Variants in MBNL3 observed in about 807,000 individuals in gnomAD.
MBNL3 encodes the protein muscleblind like splicing regulator 3.
MBNL3 carries 6 observed loss-of-function variants against 24.5 expected under a neutral mutation model. That is an observed-to-expected ratio of 0.25 (90% confidence interval 0.13 to 0.48). The LOEUF (loss-of-function observed/expected upper bound fraction) is 0.48, where lower values mean the gene tolerates loss of function less well. MBNL3 is among the 20% of genes least tolerant of loss of function. The pLI is 0.99. For missense variants in MBNL3, 230 were observed against 293.5 expected, an observed-to-expected ratio of 0.78 and a Z score of 1.58; for synonymous variants, 100 against 101.7, an observed-to-expected ratio of 0.98 and a Z score of 0.10.
intron 1 of MBNL3, among the ~76,000 whole-genome samples, chrX:132,475,391 T>C (rs1366995929): frequency 1.8e-5 from 2 of 112,086 alleles, no homozygotes; most frequent in Admixed American, 1.9e-4. Context: ...ATTAGATGGT[T>C]CCCAAATGAT....
intron 1 of MBNL3, among the ~76,000 whole-genome samples, chrX:132,476,270 G>C (rs1056074410): frequency 9.0e-6 from 1 of 110,827 alleles, no homozygotes; most frequent in Non-Finnish European, 1.9e-5. Context: ...GTACATAGAA[G>C]GTGTATATAT....
At chrX:132,414,485 C>T (rs1443793553) in intron 2 of MBNL3, among the ~76,000 whole-genome samples, 3 of 111,797 alleles carry the variant, frequency 2.7e-5, no homozygotes, top group African/African-American at 9.8e-5. Context: ...AAGAGAGGAA[C>T]CTCAAAAGCT....
At position 132,379,675 on chromosome X, in the gene MBNL3, C is replaced by T; in HGVS notation, c.1056G>A (p.Leu352=). 8.5e-7 allele frequency: 1 copy of T among 1,181,032 alleles called. No homozygotes were observed. Among genetic ancestry groups the T allele is most frequent in the African/African-American group, 1.8e-5 (1 of 56,391 alleles). The part of the protein sequence containing the change: ...PFAAPTTGNQ[L]KF ...TCCATAACTCTGCTGTTCAGAATTT[C>T]AGCTGAAATGGAAAAAAAAAGAAAG... The change falls in exon 9 of 9, where the codon CTG becomes CTA. Residue 352 remains leucine, a splice_region_variant and synonymous_variant. Coordinates refer to ENST00000370853, the MANE Select transcript of MBNL3 (RefSeq NM_001386889.1).
chrX:132,421,750 C>G (rs1048826560), intron 2 of MBNL3, among the ~76,000 whole-genome samples: 5 of 111,137 alleles, frequency 4.5e-5, no homozygotes, highest in Non-Finnish European at 9.4e-5. Flanking sequence ...TATAAAAAAG[C>G]ATGGAGCATC....
intron 5 of MBNL3, among the ~76,000 whole-genome samples, chrX:132,389,268 G>A (rs1293799375): frequency 8.9e-6 from 1 of 112,168 alleles, no homozygotes; most frequent in South Asian, 3.7e-4. Flanking sequence ...CCTTCACGAT[G>A]TAATGAGTTC....
At chrX:132,422,890 T>C (rs1375097743) in intron 2 of MBNL3, among the ~76,000 whole-genome samples, 3 of 112,101 alleles carry the variant, frequency 2.7e-5, no homozygotes, top group African/African-American at 9.7e-5. Context: ...GGTGAGGTGA[T>C]AATTTACATT....
intron 2 of MBNL3, among the ~76,000 whole-genome samples, chrX:132,433,494 G>A (rs1430635125): frequency 8.9e-6 from 1 of 112,193 alleles, no homozygotes; most frequent in African/African-American, 3.2e-5. Context: ...GTATGAACTG[G>A]AGTTGAGGTA....
At chrX:132,481,840 G>C (rs1947756584) in intron 1 of MBNL3, among the ~76,000 whole-genome samples, 1 of 111,379 alleles carries the variant, frequency 9.0e-6, no homozygotes, top group Non-Finnish European at 1.9e-5. Flanking sequence ...CTGAATCTCA[G>C]CGCATCTATA....
intron 1 of MBNL3, among the ~76,000 whole-genome samples, chrX:132,442,168 A>C (rs1945421544): frequency 9.0e-6 from 1 of 111,695 alleles, no homozygotes; most frequent in Non-Finnish European, 1.9e-5. Flanking sequence ...TTTTGGAATT[A>C]GATAGTGGTG....
intron 1 of MBNL3, among the ~76,000 whole-genome samples, chrX:132,473,274 G>A (rs1393628766): frequency 1.6e-4 from 18 of 111,704 alleles, no homozygotes; most frequent in Non-Finnish European, 1.9e-5. Flanking sequence ...CATTTGATTT[G>A]CTTCTCTATA....
At chrX:132,458,772 C>T (rs973824860) in intron 1 of MBNL3, among the ~76,000 whole-genome samples, 1 of 109,580 alleles carries the variant, frequency 9.1e-6, no homozygotes, top group Non-Finnish European at 1.9e-5. Context: ...ACATCCAAAC[C>T]ACAGCAGAAC....
At chrX:132,421,184 T>G (rs1943783450) in intron 2 of MBNL3, among the ~76,000 whole-genome samples, 1 of 112,199 alleles carries the variant, frequency 8.9e-6, no homozygotes, top group Admixed American at 9.4e-5. Flanking sequence ...TTTAGTCTGT[T>G]TTGCAAGTAA....
At chrX:132,388,971 G>A (rs1169552609) in intron 5 of MBNL3, among the ~76,000 whole-genome samples, 1 of 111,266 alleles carries the variant, frequency 9.0e-6, no homozygotes, top group Non-Finnish European at 1.9e-5. Flanking sequence ...ACTTAAAAGG[G>A]AATTTTATAT....
chrX:132,463,257 T>C (rs1394115282), intron 1 of MBNL3, among the ~76,000 whole-genome samples: 15 of 110,586 alleles, frequency 1.4e-4, no homozygotes, highest in Non-Finnish European at 5.7e-5. Context: ...AGGTCAGGAG[T>C]TCAAGACCAG....
chrX:132,400,719 G>A (rs1031805605), intron 3 of MBNL3, among the ~76,000 whole-genome samples: 10 of 111,579 alleles, frequency 9.0e-5, no homozygotes, highest in African/African-American at 3.3e-4. Flanking sequence ...ACAGATTACA[G>A]TAGGCTTCAG....
rs981729135 is a variant in MBNL3 at position 132,374,534 on chromosome X, C to T, written c.*5132G>A. ...TTAGTTAAGTCTTAGAGCAAAAACA[C>T]CCTCCTTTTCAAAGCCTTAGAAATA... is the stretch of plus-strand genomic sequence containing the variant. On this transcript the variant is annotated 3_prime_UTR_variant, in exon 9 of 9. Coordinates refer to ENST00000370853, the MANE Select transcript of MBNL3 (RefSeq NM_001386889.1). The T allele has an allele frequency of 9.0e-6, 1 of 111,152 alleles. No homozygotes were observed. Among genetic ancestry groups the T allele is most frequent in the African/African-American group, 3.3e-5 (1 of 30,569 alleles). 9.2% of individuals were successfully genotyped at this position (111,152 alleles called of 1,213,427 possible).
chrX:132,444,840 GA>G (rs201337734), intron 1 of MBNL3, among the ~76,000 whole-genome samples: 1,585 of 111,666 alleles, frequency 0.014, 20 homozygotes, highest in African/African-American at 0.049. Context: ...CATTCTCATG[GA>G]AGTTATCTTG....
intron 3 of MBNL3, among the ~76,000 whole-genome samples, chrX:132,396,886 TCA>T (rs1939636901): frequency 1.6e-5 from 1 of 62,804 alleles, no homozygotes. Context: ...ACATATATAT[TCA>T]TATATATATT....
chrX:132,401,562 G>A (rs911183674), intron 3 of MBNL3, among the ~76,000 whole-genome samples: 10 of 107,541 alleles, frequency 9.3e-5, no homozygotes, highest in East Asian at 8.7e-4. Flanking sequence ...ATTGAGCTAT[G>A]ATCATGCCAC....
Sources: gnomAD v4.1 joint callset for allele counts (sites outside exome capture counted in the v4.1 genomes callset) on GRCh38, gnomAD v4.1.1 for gene constraint, MANE v1.5 for transcripts, NCBI Gene and HGNC (gene_info 2026-07-23, HGNC 2026-07-21) for gene names.